The following SKAP1 variants were observed in gnomAD, a reference collection of about 807,000 sequenced individuals.
The protein encoded by SKAP1 is src kinase-associated phosphoprotein 1.
SKAP1 carries 44 observed loss-of-function variants against 58.5 expected under a neutral mutation model. The ratio of observed to expected loss-of-function variants is 0.75; its 90% CI spans 0.59 to 0.97. SKAP1 has a LOEUF of 0.97. Ranked by LOEUF, SKAP1 falls within the 50% of genes least tolerant of loss-of-function variation. The pLI is 0.00. For missense variants in SKAP1, 390 were observed against 435.2 expected, an observed-to-expected ratio of 0.90 and a Z score of 0.92; for synonymous variants, 127 against 149.7, an observed-to-expected ratio of 0.85 and a Z score of 1.11.
In SKAP1 at chr17:48,357,187, C is replaced by G. The variant is rs563649996; in HGVS notation, c.178+6602G>C. Among the ~76,000 whole-genome samples the G allele has an allele frequency of 4.5e-4, 68 of 152,200 alleles. No individual in the cohort carries two copies. In the South Asian group the frequency reaches 7.3e-3, roughly 16 times the overall value. Reference sequence around the variant, plus strand: ...ATACAGAAGGCAGCATTACCTGATTCCAATGATTTCTTTTACCTGCATAAA... The same window carrying G: ...ATACAGAAGGCAGCATTACCTGATTGCAATGATTTCTTTTACCTGCATAAA... On this transcript the variant is annotated intron_variant, in intron 3 of 12. Transcript: ENST00000336915.
intron 4 of SKAP1, among the ~76,000 whole-genome samples, chr17:48,190,191 C>A (rs1280099952): frequency 2.0e-5 from 3 of 151,116 alleles, no homozygotes; most frequent in African/African-American, 7.3e-5. Context: ...ACTGCAAGCT[C>A]CATCTCCCGG....
intron 4 of SKAP1, among the ~76,000 whole-genome samples, chr17:48,229,927 G>T (rs1473580077): frequency 6.6e-6 from 1 of 152,186 alleles, no homozygotes; most frequent in Non-Finnish European, 1.5e-5. Flanking sequence ...TGAGAAATGA[G>T]TCTTGGGCTT....
intron 4 of SKAP1, among the ~76,000 whole-genome samples, chr17:48,205,875 C>T (rs2064803824): frequency 6.6e-6 from 1 of 152,150 alleles, no homozygotes; most frequent in Non-Finnish European, 1.5e-5. Context: ...AAATTGACCT[C>T]CCAGGCATCC....
intron 2 of SKAP1, among the ~76,000 whole-genome samples, chr17:48,368,169 C>T (rs1165226789): frequency 6.6e-6 from 1 of 152,198 alleles, no homozygotes; most frequent in Non-Finnish European, 1.5e-5. Context: ...TGAGCAATCA[C>T]ATCCCTCACT....
intron 2 of SKAP1, among the ~76,000 whole-genome samples, chr17:48,385,084 A>G (rs1361769616): frequency 6.6e-6 from 1 of 152,222 alleles, no homozygotes; most frequent in African/African-American, 2.4e-5. Flanking sequence ...TTTTACATTT[A>G]TGAGAAAAAG....
intron 10 of SKAP1, among the ~76,000 whole-genome samples, chr17:48,169,037 T>C (rs746586551): frequency 1.3e-5 from 2 of 152,086 alleles, no homozygotes; most frequent in Admixed American, 1.3e-4. Flanking sequence ...GTGTAAACCA[T>C]AGAAACATAT....
chr17:48,170,731 A>G (rs2064198967), intron 9 of SKAP1, 72 bp from the exon 10 acceptor site: 2 of 1,301,318 alleles, frequency 1.5e-6, no homozygotes, highest in Non-Finnish European at 2.2e-6. Context: ...TTTTTTCGAG[A>G]TAGAGTCTTG....
chr17:48,216,888 A>G (rs1320448381), intron 4 of SKAP1, among the ~76,000 whole-genome samples: 1 of 152,208 alleles, frequency 6.6e-6, no homozygotes, highest in African/African-American at 2.4e-5. Context: ...TATTATAAGT[A>G]TCAGATTCAA....
chr17:48,404,847 G>A (rs907811276), intron 1 of SKAP1, among the ~76,000 whole-genome samples: 5 of 151,818 alleles, frequency 3.3e-5, no homozygotes, highest in South Asian at 2.1e-4. Context: ...AAAGATATCC[G>A]AAATAAATGA....
At chr17:48,349,953 A>G (rs1219561425) in intron 3 of SKAP1, among the ~76,000 whole-genome samples, 1 of 152,244 alleles carries the variant, frequency 6.6e-6, no homozygotes, top group African/African-American at 2.4e-5. Flanking sequence ...TTTCTGCCAC[A>G]GATTCAACCA....
chr17:48,150,326 C>T (rs1598367237), intron 11 of SKAP1, among the ~76,000 whole-genome samples: 1 of 152,160 alleles, frequency 6.6e-6, no homozygotes, highest in East Asian at 1.9e-4. Flanking sequence ...TCATTATAGA[C>T]AGGATAAATA....
At chr17:48,306,504 A>C (rs2066144447) in intron 4 of SKAP1, among the ~76,000 whole-genome samples, 4 of 152,302 alleles carry the variant, frequency 2.6e-5, no homozygotes, top group Admixed American at 1.3e-4. Context: ...TGCATTTGTC[A>C]CTGCTGTCTA....
At chr17:48,383,876 T>A (rs2067246828) in intron 2 of SKAP1, among the ~76,000 whole-genome samples, 2 of 152,002 alleles carry the variant, frequency 1.3e-5, no homozygotes, top group South Asian at 4.2e-4. Flanking sequence ...GCCATCATCA[T>A]GCCCGGCTAA....
At chr17:48,317,439 A>T (rs1335900225) in intron 4 of SKAP1, among the ~76,000 whole-genome samples, 2 of 152,220 alleles carry the variant, frequency 1.3e-5, no homozygotes, top group Non-Finnish European at 2.9e-5. Flanking sequence ...TAATAGGAAC[A>T]ATTTTAAAGA....
intron 3 of SKAP1, among the ~76,000 whole-genome samples, chr17:48,359,421 T>G (rs2144381762): frequency 6.6e-6 from 1 of 152,304 alleles, no homozygotes; most frequent in African/African-American, 2.4e-5. Flanking sequence ...AAATAACCAG[T>G]GTTCAAATTT....
At chr17:48,199,355 C>T (rs1276858014) in intron 4 of SKAP1, among the ~76,000 whole-genome samples, 1 of 152,204 alleles carries the variant, frequency 6.6e-6, no homozygotes, top group Non-Finnish European at 1.5e-5. Context: ...AACTTTGTCA[C>T]CTCCCAGTAC....
At chr17:48,253,663 T>C (rs894112359) in intron 4 of SKAP1, among the ~76,000 whole-genome samples, 2 of 152,250 alleles carry the variant, frequency 1.3e-5, no homozygotes, top group African/African-American at 2.4e-5. Context: ...TGTTCTGTAA[T>C]AGACCTCTTC....
chr17:48,415,440 C>T (rs2067720756), intron 1 of SKAP1, among the ~76,000 whole-genome samples: 1 of 152,154 alleles, frequency 6.6e-6, no homozygotes, highest in African/African-American at 2.4e-5. Flanking sequence ...TCCATTCTCT[C>T]TCTTTGTTGG....
chr17:48,375,794 C>CTTTG (rs1054688330), intron 2 of SKAP1, among the ~76,000 whole-genome samples: 1 of 143,656 alleles, frequency 7.0e-6, no homozygotes, highest in Non-Finnish European at 1.5e-5. Flanking sequence ...AGGTCTGTTT[C>CTTTG]TTTGTTTGTT....
Sources: allele counts gnomAD v4.1 joint callset (sites outside exome capture counted in the v4.1 genomes callset), GRCh38; gene constraint gnomAD v4.1.1; transcripts MANE v1.5; gene names NCBI Gene and HGNC (gene_info 2026-07-23, HGNC 2026-07-21).